Variants in CHST8 observed in about 807,000 individuals in gnomAD.
CHST8 encodes carbohydrate sulfotransferase 8, also known as GALNAC-4-ST1.
A neutral mutation model predicts 15.0 loss-of-function variants in CHST8; 10 were observed. The observed-to-expected ratio is 0.67, with a 90% confidence interval of 0.41 to 1.13. The LOEUF is 1.13. Among genes scored for constraint, CHST8 ranks in the 50% most tolerant of loss-of-function variants. The pLI is 0.00. For missense variants in CHST8, 634 were observed against 608.2 expected (o/e 1.04, Z -0.45); for synonymous variants, 259 against 256.6 (o/e 1.01, Z -0.09).
At chr19:33,707,087 G>A (rs1211558486) in intron 3 of CHST8, among the ~76,000 whole-genome samples, 1 of 152,166 alleles carries the variant, frequency 6.6e-6, no homozygotes, top group African/African-American at 2.4e-5. Context: ...TGCAGGGGTA[G>A]GGTGCTGTGT....
chr19:33,713,561 T>C (rs1973600992), intron 3 of CHST8, among the ~76,000 whole-genome samples: 1 of 151,956 alleles, frequency 6.6e-6, no homozygotes, highest in Non-Finnish European at 1.5e-5. Context: ...TGGGGCTTTT[T>C]TTGTTTTTGT....
At chr19:33,699,293 T>C (rs917646145) in intron 3 of CHST8, among the ~76,000 whole-genome samples, 2 of 152,016 alleles carry the variant, frequency 1.3e-5, no homozygotes, top group Admixed American at 1.3e-4. Flanking sequence ...GAGCTCACAA[T>C]CTGTGGGGGT....
At chr19:33,750,395 AG>A (rs1974391071) in intron 3 of CHST8, among the ~76,000 whole-genome samples, 1 of 152,190 alleles carries the variant, frequency 6.6e-6, no homozygotes, top group African/African-American at 2.4e-5. Flanking sequence ...GGCTACCCCC[AG>A]GACCCCAGGG....
chr19:33,736,258 G>A (rs527744660), intron 3 of CHST8, among the ~76,000 whole-genome samples: 1 of 152,320 alleles, frequency 6.6e-6, no homozygotes, highest in South Asian at 2.1e-4. Context: ...GACTAGCCAG[G>A]AACTGATCAC....
At chr19:33,636,063 G>A (rs1267861757) in intron 1 of CHST8, among the ~76,000 whole-genome samples, 2 of 142,692 alleles carry the variant, frequency 1.4e-5, no homozygotes, top group South Asian at 2.2e-4. Flanking sequence ...GCTTTTCTGT[G>A]ATAACTAATA....
intron 3 of CHST8, among the ~76,000 whole-genome samples, chr19:33,733,801 A>G (rs1974035209): frequency 6.6e-6 from 1 of 152,172 alleles, no homozygotes; most frequent in East Asian, 1.9e-4. Flanking sequence ...CTTCCTACAT[A>G]GGAGCCACTG....
chr19:33,682,045 G>A (rs1481909501), intron 2 of CHST8, among the ~76,000 whole-genome samples: 2 of 151,782 alleles, frequency 1.3e-5, no homozygotes, highest in African/African-American at 2.4e-5. Flanking sequence ...TAGTAGAGAC[G>A]GGTTTCACTG....
At chr19:33,638,775 G>A (rs1032127313) in intron 1 of CHST8, among the ~76,000 whole-genome samples, 4 of 152,016 alleles carry the variant, frequency 2.6e-5, no homozygotes, top group Non-Finnish European at 5.9e-5. Flanking sequence ...GTTCACCTTC[G>A]TGGTTCTCCA....
At position 33,757,535 on chromosome 19, in the gene CHST8, A is replaced by G. The variant is rs572087451; in HGVS notation, c.131-13878A>G. ...GAAAGAAAGAAAGAGAAAGAAAGAA[A>G]GAAAGAAAGAAAGAAAGAAAGAAAG... On this transcript the variant is annotated intron_variant, in intron 3 of 4. Coordinates refer to ENST00000650847, the MANE Select transcript of CHST8 (RefSeq NM_001127895.2). Among the ~76,000 whole-genome samples the G allele has an allele frequency of 7.0e-4, 48 of 68,706 alleles. 3 individuals carry two copies. Among genetic ancestry groups the G allele is most frequent in the Non-Finnish European group, 9.6e-4 (33 of 34,332 alleles). The allele number at this position is 68,706 out of a possible 152,430, so 45.1% of individuals were successfully genotyped here.
intron 1 of CHST8, among the ~76,000 whole-genome samples, chr19:33,655,553 C>T (rs1972501312): frequency 6.6e-6 from 1 of 152,182 alleles, no homozygotes; most frequent in Admixed American, 6.5e-5. Context: ...TGCCTGAGGA[C>T]AGTGCCTTTG....
intron 4 of CHST8, 55 bp downstream of exon 4, chr19:33,771,505 G>T: frequency 1.3e-6 from 2 of 1,562,424 alleles, no homozygotes; most frequent in Non-Finnish European, 1.8e-6. Flanking sequence ...GGAAACTGGG[G>T]AGGGCTGGGA....
intron 1 of CHST8, among the ~76,000 whole-genome samples, chr19:33,636,498 T>C (rs1423896916): frequency 1.3e-5 from 2 of 151,834 alleles, no homozygotes; most frequent in Non-Finnish European, 2.9e-5. Context: ...CAGTTAGAGG[T>C]AGAAGTGTTA....
chr19:33,715,931 T>G (rs1973657148), intron 3 of CHST8, among the ~76,000 whole-genome samples: 1 of 152,218 alleles, frequency 6.6e-6, no homozygotes, highest in African/African-American at 2.4e-5. Context: ...GCTTTACACC[T>G]GGCATATGTG....
intron 3 of CHST8, among the ~76,000 whole-genome samples, chr19:33,765,557 G>GTGTGTGTGTGTGTC (rs1467364267): frequency 1.8e-4 from 13 of 72,586 alleles, no homozygotes; most frequent in African/African-American, 7.1e-4. Context: ...GTGTGTGTCA[G>GTGTGTGTGTGTGTC]AGAGAGAGAG....
intron 1 of CHST8, among the ~76,000 whole-genome samples, chr19:33,645,234 G>A (rs963045385): frequency 5.3e-5 from 8 of 152,196 alleles, no homozygotes; most frequent in South Asian, 2.1e-4. Context: ...AGATGAGGCC[G>A]TGTGGGGGCG....
intron 3 of CHST8, among the ~76,000 whole-genome samples, chr19:33,766,030 C>T (rs750039297): frequency 5.3e-5 from 8 of 152,044 alleles, no homozygotes; most frequent in East Asian, 1.9e-4. Flanking sequence ...ATGCAAGCTG[C>T]GGCACCAGGT....
intron 1 of CHST8, among the ~76,000 whole-genome samples, chr19:33,624,289 T>C (rs995724137): frequency 4.6e-5 from 7 of 152,214 alleles, no homozygotes; most frequent in African/African-American, 1.7e-4. Flanking sequence ...CATCTTTTGA[T>C]TTTCCTTGGC....
intron 1 of CHST8, among the ~76,000 whole-genome samples, chr19:33,658,340 A>C (rs1426611310): frequency 2.0e-5 from 3 of 152,192 alleles, no homozygotes; most frequent in Non-Finnish European, 4.4e-5. Flanking sequence ...ACTCCGTCCC[A>C]AAAAAACCCA....
At position 33,734,931 on chromosome 19, in the gene CHST8, G is replaced by A. The variant is rs186698334; in HGVS notation, c.131-36482G>A. On this transcript the variant is annotated intron_variant, in intron 3 of 4. Coordinates refer to ENST00000650847, the MANE Select transcript of CHST8 (RefSeq NM_001127895.2). Reference sequence around the variant, plus strand: ...GACCCCAGCATCAAGCTGAACAGAGGGTAAACGGGATCTCTGTGTGAGGGT... The same window carrying A: ...GACCCCAGCATCAAGCTGAACAGAGAGTAAACGGGATCTCTGTGTGAGGGT... 2.2e-3 allele frequency among the ~76,000 whole-genome samples: 338 copies of A among 152,276 alleles called. 2 individuals carry two copies. Among genetic ancestry groups the A allele is most frequent in the Non-Finnish European group, 3.3e-3 (223 of 68,022 alleles).
Sources: gnomAD v4.1 joint callset for allele counts (sites outside exome capture counted in the v4.1 genomes callset) on GRCh38, gnomAD v4.1.1 for gene constraint, MANE v1.5 for transcripts, NCBI Gene and HGNC (gene_info 2026-07-23, HGNC 2026-07-21) for gene names.